Variants in SKAP1 observed in about 807,000 individuals in gnomAD.
SKAP1 encodes the protein src kinase associated phosphoprotein 1.
A neutral mutation model predicts 58.5 loss-of-function variants in SKAP1; 44 were observed. That is an observed-to-expected ratio of 0.75 (90% CI 0.59 to 0.97). SKAP1 has a LOEUF of 0.97. Among genes scored for constraint, SKAP1 ranks in the 50% least tolerant of loss-of-function variants. The pLI is 0.00. For synonymous variants in SKAP1, 127 were observed against 149.7 expected (o/e 0.85, Z 1.11); for missense variants, 390 against 435.2 (o/e 0.90, Z 0.92).
chr17:48,370,779 A>G (rs533684729), intron 2 of SKAP1, among the ~76,000 whole-genome samples: 19 of 152,354 alleles, frequency 1.2e-4, no homozygotes, highest in African/African-American at 4.6e-4. Flanking sequence ...ATTACTGGGT[A>G]TATATCCAAA....
At chr17:48,235,135 G>A (rs2065166451) in intron 4 of SKAP1, among the ~76,000 whole-genome samples, 1 of 152,182 alleles carries the variant, frequency 6.6e-6, no homozygotes, top group Non-Finnish European at 1.5e-5. Context: ...ATGAATAGGA[G>A]TTCTCTAAGA....
At chr17:48,248,215 T>C (rs77244957) in intron 4 of SKAP1, among the ~76,000 whole-genome samples, 15,358 of 152,224 alleles carry the variant, frequency 0.1, 1,117 homozygotes, top group Non-Finnish European at 0.15. Context: ...AGTTTTTACT[T>C]TTGCCAATTC....
At chr17:48,403,907 C>T (rs550944471) in intron 1 of SKAP1, among the ~76,000 whole-genome samples, 1 of 149,864 alleles carries the variant, frequency 6.7e-6, no homozygotes, top group Non-Finnish European at 1.5e-5. Context: ...GCCAATATGG[C>T]GAAAACCCAT....
intron 4 of SKAP1, among the ~76,000 whole-genome samples, chr17:48,244,765 G>C (rs555483440): frequency 2.0e-5 from 3 of 152,296 alleles, no homozygotes; most frequent in African/African-American, 7.2e-5. Flanking sequence ...CTTAAAAGAA[G>C]ATGCGTTCAC....
chr17:48,288,953 GTGA>G (rs2065867771), intron 4 of SKAP1, among the ~76,000 whole-genome samples: 1 of 152,160 alleles, frequency 6.6e-6, no homozygotes, highest in South Asian at 2.1e-4. Context: ...GAACAGAGAA[GTGA>G]AGCTGAACGC....
chr17:48,298,151 C>T lies in SKAP1; in HGVS notation c.280+47754G>A, dbSNP rs140128865. On this transcript the variant is annotated intron_variant, in intron 4 of 12. Coordinates refer to ENST00000336915, the MANE Select transcript of SKAP1 (RefSeq NM_003726.4). Reference sequence around the variant, plus strand: ...CTTGCAGTTGACACCATCTTCCCCACCTTAAATATTTATTGGAAATGACAG... The same window carrying T: ...CTTGCAGTTGACACCATCTTCCCCATCTTAAATATTTATTGGAAATGACAG... Among the ~76,000 whole-genome samples the T allele has an allele frequency of 4.6e-5, 7 of 152,332 alleles. No individual in the cohort carries two copies. The East Asian group carries it at 1.3e-3, about 29-fold the overall frequency.
intron 4 of SKAP1, among the ~76,000 whole-genome samples, chr17:48,321,045 G>A (rs900807644): frequency 6.6e-6 from 1 of 152,124 alleles, no homozygotes; most frequent in Non-Finnish European, 1.5e-5. Context: ...ATTTTTTAGA[G>A]GATGTGATAC....
chr17:48,217,735 A>G (rs2064957375), intron 4 of SKAP1, among the ~76,000 whole-genome samples: 1 of 152,238 alleles, frequency 6.6e-6, no homozygotes, highest in African/African-American at 2.4e-5. Context: ...TTTGTTAAAA[A>G]AAAATTTTAA....
At chr17:48,274,573 G>A (rs1240305145) in intron 4 of SKAP1, among the ~76,000 whole-genome samples, 1 of 152,052 alleles carries the variant, frequency 6.6e-6, no homozygotes, top group Non-Finnish European at 1.5e-5. Flanking sequence ...GCAGGCGCCT[G>A]TAATCCCAGC....
intron 4 of SKAP1, among the ~76,000 whole-genome samples, chr17:48,305,839 C>G (rs2066133010): frequency 1.3e-5 from 2 of 152,140 alleles, no homozygotes; most frequent in Admixed American, 1.3e-4. Context: ...CTGATTCTTG[C>G]TTACATTATA....
intron 4 of SKAP1, among the ~76,000 whole-genome samples, chr17:48,296,911 T>C (rs1178589787): frequency 6.6e-6 from 1 of 152,132 alleles, no homozygotes; most frequent in African/African-American, 2.4e-5. Context: ...GGCCTGCTGG[T>C]GGAAGTTGAA....
intron 10 of SKAP1, among the ~76,000 whole-genome samples, chr17:48,170,184 C>T (rs1484923076): frequency 6.6e-6 from 1 of 152,230 alleles, no homozygotes; most frequent in African/African-American, 2.4e-5. Flanking sequence ...CCTGTGTTCA[C>T]TTTTCAGATC....
chr17:48,190,837 T>G (rs941930441), intron 4 of SKAP1, among the ~76,000 whole-genome samples: 11 of 151,958 alleles, frequency 7.2e-5, no homozygotes, highest in South Asian at 6.2e-4. Context: ...TACAAAAAAT[T>G]AGCCGGGCAT....
At chr17:48,170,726 T>G in intron 9 of SKAP1, 67 bp from the exon 10 acceptor site, 1 of 1,290,874 alleles carries the variant, frequency 7.7e-7, no homozygotes, top group Non-Finnish European at 1.1e-6. Context: ...TTTTTTTTTT[T>G]CGAGATAGAG....
chr17:48,321,023 A>T (rs1439320874), intron 4 of SKAP1, among the ~76,000 whole-genome samples: 1 of 152,188 alleles, frequency 6.6e-6, no homozygotes, highest in Non-Finnish European at 1.5e-5. Context: ...GAGGTCCCAG[A>T]ATTTCTCCAA....
chr17:48,335,113 C>T (rs147238129), intron 4 of SKAP1, among the ~76,000 whole-genome samples: 41 of 151,788 alleles, frequency 2.7e-4, no homozygotes, highest in African/African-American at 9.4e-4. Context: ...GTATAATATT[C>T]AGTACTCCCT....
intron 4 of SKAP1, among the ~76,000 whole-genome samples, chr17:48,312,660 C>T (rs2066237771): frequency 6.6e-6 from 1 of 152,076 alleles, no homozygotes; most frequent in African/African-American, 2.4e-5. Context: ...GAAGAATGAC[C>T]AAGACAAGGG....
intron 4 of SKAP1, chr17:48,249,110 C>T (rs913290342): frequency 6.6e-6 from 1 of 152,124 alleles, no homozygotes. Flanking sequence ...TAGACAATAA[C>T]TTGTCAATGC....
intron 4 of SKAP1, among the ~76,000 whole-genome samples, chr17:48,297,328 G>T (rs2065990771): frequency 6.6e-6 from 1 of 152,106 alleles, no homozygotes; most frequent in Non-Finnish European, 1.5e-5. Context: ...AAGTTTTGTA[G>T]ATACGGGTAA....
Sources: gnomAD v4.1 joint callset for allele counts (sites outside exome capture counted in the v4.1 genomes callset) on GRCh38, gnomAD v4.1.1 for gene constraint, MANE v1.5 for transcripts, NCBI Gene and HGNC (gene_info 2026-07-23, HGNC 2026-07-21) for gene names.